Variants in RANBP2 observed in about 807,000 individuals in gnomAD.
The protein encoded by RANBP2 is E3 SUMO-protein ligase RanBP2.
Under a neutral mutation model 303.6 loss-of-function variants are expected in RANBP2, and 57 were observed. That is an observed-to-expected ratio of 0.19 (90% CI 0.15 to 0.23). The LOEUF (loss-of-function observed/expected upper bound fraction) is 0.23. Ranked by LOEUF, RANBP2 falls within the 10% of genes least tolerant of loss-of-function variation. The probability of loss-of-function intolerance (pLI) is 1.00; values close to 1 mark genes in which losing one functional copy is unlikely to be tolerated. For missense variants in RANBP2, 3,138 were observed against 3,780.8 expected, an observed-to-expected ratio of 0.83 and a Z score of 4.46; for synonymous variants, 1,167 against 1,301.5, an observed-to-expected ratio of 0.90 and a Z score of 2.23.
At chr2:109,679,401 G>C in the RANBP2 span, among the ~76,000 whole-genome samples, 3 of 152,194 alleles carry the variant, frequency 2.0e-5, no homozygotes, top group Non-Finnish European at 2.9e-5. Flanking sequence ...TGGAATCCAT[G>C]ACTAATGTGG....
At chr2:109,734,185 A>AC in the RANBP2 span, among the ~76,000 whole-genome samples, 1 of 151,714 alleles carries the variant, frequency 6.6e-6, no homozygotes, top group Non-Finnish European at 1.5e-5. Context: ...CCTCAAAAAA[A>AC]AAAAAAAATC....
chr2:109,475,426 C>T, the RANBP2 span, among the ~76,000 whole-genome samples: 4 of 152,228 alleles, frequency 2.6e-5, no homozygotes, highest in African/African-American at 9.6e-5. Context: ...GAATTTAGTA[C>T]CTGCAGCTTC....
the RANBP2 span, among the ~76,000 whole-genome samples, chr2:108,898,878 TACTC>T: frequency 4.6e-5 from 7 of 152,168 alleles, no homozygotes; most frequent in Non-Finnish European, 8.8e-5. Context: ...AAGTGGAAAT[TACTC>T]AATCAGAGAA....
chr2:109,556,680 A>G, the RANBP2 span, among the ~76,000 whole-genome samples: 2 of 151,982 alleles, frequency 1.3e-5, no homozygotes, highest in African/African-American at 2.4e-5. Flanking sequence ...AGAAGCCCCT[A>G]TATTTATCAG....
the RANBP2 span, among the ~76,000 whole-genome samples, chr2:109,511,848 A>T: frequency 6.6e-6 from 1 of 152,132 alleles, no homozygotes; most frequent in East Asian, 1.9e-4. Context: ...GAGGTCCTGC[A>T]TCCTGGGAGA....
chr2:109,102,992 G>T, the RANBP2 span, among the ~76,000 whole-genome samples: 5 of 152,172 alleles, frequency 3.3e-5, no homozygotes, highest in African/African-American at 2.4e-5. Context: ...TTTAGTAAAG[G>T]GAAGGAGCAA....
At chr2:109,141,910 C>T in the RANBP2 span, among the ~76,000 whole-genome samples, 1 of 152,110 alleles carries the variant, frequency 6.6e-6, no homozygotes, top group East Asian at 1.9e-4. Flanking sequence ...CTACCTCCTG[C>T]AAGCTCTGCA....
At chr2:109,236,351 C>G in the RANBP2 span, among the ~76,000 whole-genome samples, 1 of 152,096 alleles carries the variant, frequency 6.6e-6, no homozygotes, top group Non-Finnish European at 1.5e-5. Flanking sequence ...CCAGAGTGTG[C>G]GAGCATCCCA....
the RANBP2 span, chr2:109,437,137 A>G: frequency 6.2e-7 from 1 of 1,610,268 alleles, no homozygotes; most frequent in Non-Finnish European, 8.5e-7. Flanking sequence ...CCGGAGCACC[A>G]TTTCAACAGG....
the RANBP2 span, among the ~76,000 whole-genome samples, chr2:109,356,460 C>A: frequency 6.6e-6 from 1 of 152,230 alleles, no homozygotes; most frequent in Admixed American, 6.5e-5. Context: ...CGACACTCGA[C>A]ATGCTTGGGT....
the RANBP2 span, among the ~76,000 whole-genome samples, chr2:109,094,208 G>A: frequency 3.3e-5 from 5 of 152,128 alleles, no homozygotes; most frequent in Non-Finnish European, 5.9e-5. Flanking sequence ...CTATCATGGG[G>A]GATGGGCTGA....
the RANBP2 span, chr2:109,501,759 A>G: frequency 1.5e-6 from 1 of 663,128 alleles, no homozygotes. Context: ...TGGCGCCCCA[A>G]GGGTTCCAGG....
the RANBP2 span, among the ~76,000 whole-genome samples, chr2:109,488,459 C>T: frequency 8.5e-5 from 13 of 152,338 alleles, no homozygotes; most frequent in African/African-American, 2.4e-4. Context: ...TCCTGGCCTG[C>T]GGAGGGGCTG....
intron 23 of RANBP2, 26 bp downstream of exon 23, chr2:108,773,072 C>T: frequency 6.3e-7 from 1 of 1,588,928 alleles, no homozygotes; most frequent in East Asian, 2.3e-5. Context: ...ATAAATTTTC[C>T]TTCTAGTTCC....
the RANBP2 span, among the ~76,000 whole-genome samples, chr2:109,691,284 G>A: frequency 6.6e-6 from 1 of 152,190 alleles, no homozygotes. Flanking sequence ...CAGGTTTTTA[G>A]TGGATACCAC....
the RANBP2 span, among the ~76,000 whole-genome samples, chr2:109,092,286 C>T: frequency 1.3e-5 from 2 of 152,108 alleles, no homozygotes; most frequent in Non-Finnish European, 2.9e-5. Context: ...ACTATCTGCT[C>T]TTTGCTTTGC....
At chr2:108,905,939 A>ATGAC in the RANBP2 span, among the ~76,000 whole-genome samples, 4 of 152,136 alleles carry the variant, frequency 2.6e-5, no homozygotes, top group African/African-American at 9.7e-5. Context: ...TCTAGGATAA[A>ATGAC]TGACTGATCA....
chr2:109,513,514 C>CCACATGTACACACAT, the RANBP2 span, among the ~76,000 whole-genome samples: 2 of 151,928 alleles, frequency 1.3e-5, no homozygotes, highest in Non-Finnish European at 2.9e-5. Flanking sequence ...TGTACACACA[C>CCACATGTACACACAT]CATACCCACA....
the RANBP2 span, among the ~76,000 whole-genome samples, chr2:108,954,169 A>G: frequency 6.6e-6 from 1 of 152,140 alleles, no homozygotes; most frequent in Non-Finnish European, 1.5e-5. Context: ...AGTTATGGCA[A>G]CCTAGATAGC....
Sources: gnomAD v4.1 joint callset for allele counts (sites outside exome capture counted in the v4.1 genomes callset) on GRCh38, gnomAD v4.1.1 for gene constraint, MANE v1.5 for transcripts, NCBI Gene and HGNC (gene_info 2026-07-23, HGNC 2026-07-21) for gene names.